GPC6: variants seen among roughly 807,000 people sequenced by gnomAD.
GPC6 encodes the protein glypican 6.
In GPC6, 14 loss-of-function variants were observed where a neutral mutation model predicts 55.2. That is an observed-to-expected ratio of 0.25 (90% CI 0.17 to 0.40). The LOEUF (loss-of-function observed/expected upper bound fraction) is 0.40, where lower values mean the gene tolerates loss of function less well. GPC6 is among the 10% of genes least tolerant of loss of function. The probability of loss-of-function intolerance (pLI) is 1.00; values close to 1 mark genes in which losing one functional copy is unlikely to be tolerated. For synonymous variants in GPC6, 278 were observed against 259.6 expected (o/e 1.07, Z -0.68); for missense variants, 641 against 708.5 (o/e 0.90, Z 1.08).
intron 3 of GPC6, among the ~76,000 whole-genome samples, chr13:93,936,900 C>T (rs1878464045): frequency 2.0e-5 from 3 of 152,178 alleles, no homozygotes; most frequent in Non-Finnish European, 4.4e-5. Flanking sequence ...CTACTTCTTG[C>T]AGCATCCTAA....
At position 94,032,368 on chromosome 13, in the gene GPC6, GAAGCCCTACTTTGTT is replaced by G. The variant is rs1883175740; in HGVS notation, c.877+4478_877+4492del. ...TTAACTTAGTCAGCGGGGAGTCAGA[GAAGCCCTACTTTGTT>G]AAGTGTAGAATAAAATAGCAAATAA... On this transcript the variant is annotated intron_variant, in intron 4 of 8. Coordinates refer to ENST00000377047, the MANE Select transcript of GPC6 (RefSeq NM_005708.5). 2.0e-5 allele frequency among the ~76,000 whole-genome samples: 3 copies of G among 152,154 alleles called. No individual in the cohort carries two copies. In the South Asian group the frequency reaches 6.2e-4, roughly 32 times the overall value.
chr13:94,367,044 A>G (rs770843080), intron 6 of GPC6, among the ~76,000 whole-genome samples: 3 of 152,220 alleles, frequency 2.0e-5, no homozygotes, highest in Non-Finnish European at 4.4e-5. Context: ...AGGGGAGATG[A>G]CTTGGCTTAG....
rs1448134921 is a variant in GPC6, at chr13:93,231,384, T to TAC, written c.160+3769_160+3770insCA. 1.0e-3 allele frequency among the ~76,000 whole-genome samples: 23 copies of TAC among 22,972 alleles called. 1 individual carries two copies. The highest frequency in any genetic ancestry group is 3.4e-3 in the African/African-American group (18 of 5,352). The allele number at this position is 22,972 out of a possible 152,430, so 15.1% of individuals were successfully genotyped here. A position where few individuals can be genotyped will look rare whatever the true frequency, so the allele number is the denominator to read the frequency against. ...ACGTATATATATATATATATACATA[T>TAC]ATATATATATATGTATATATATATA... On this transcript the variant is annotated intron_variant, in intron 1 of 8. Transcript: ENST00000377047.
intron 1 of GPC6, among the ~76,000 whole-genome samples, chr13:93,439,771 T>C (rs1877720022): frequency 6.6e-6 from 1 of 152,098 alleles, no homozygotes; most frequent in African/African-American, 2.4e-5. Context: ...AACTGACTAA[T>C]ACATGGCTGA....
At chr13:93,330,786 CTTCT>C (rs1879816497) in intron 1 of GPC6, among the ~76,000 whole-genome samples, 1 of 152,110 alleles carries the variant, frequency 6.6e-6, no homozygotes, top group African/African-American at 2.4e-5. Context: ...TCTCTGCTGG[CTTCT>C]TTCTTTCAAC....
At chr13:94,373,868 G>A (rs1305445416) in intron 6 of GPC6, among the ~76,000 whole-genome samples, 37 of 152,058 alleles carry the variant, frequency 2.4e-4, no homozygotes, top group African/African-American at 5.3e-4. Flanking sequence ...CGGATCTCTC[G>A]GCAGAAACCC....
intron 1 of GPC6, among the ~76,000 whole-genome samples, chr13:93,338,623 G>A (rs183111351): frequency 6.2e-4 from 94 of 152,204 alleles, no homozygotes; most frequent in African/African-American, 2.2e-3. Context: ...TTATTAATTA[G>A]GGCCCTTTAA....
chr13:93,537,924 A>G (rs1174949969), intron 1 of GPC6, among the ~76,000 whole-genome samples: 1 of 152,194 alleles, frequency 6.6e-6, no homozygotes, highest in South Asian at 2.1e-4. Context: ...TGAAAATATC[A>G]GGAAGACTTG....
At chr13:93,802,316 T>G (rs989343725) in intron 2 of GPC6, among the ~76,000 whole-genome samples, 1 of 152,134 alleles carries the variant, frequency 6.6e-6, no homozygotes, top group Non-Finnish European at 1.5e-5. Context: ...GATACTCAAC[T>G]GTTATTTTTG....
At chr13:93,984,029 A>AATTTATTT (rs202239190) in intron 3 of GPC6, among the ~76,000 whole-genome samples, 2 of 152,040 alleles carry the variant, frequency 1.3e-5, no homozygotes, top group East Asian at 1.9e-4. Flanking sequence ...AGGAACATTG[A>AATTTATTT]ATTTATTTAT....
At chr13:94,336,820 A>ATCAC (rs1877729774) in intron 6 of GPC6, among the ~76,000 whole-genome samples, 1 of 152,246 alleles carries the variant, frequency 6.6e-6, no homozygotes, top group African/African-American at 2.4e-5. Context: ...AAGCAGACTT[A>ATCAC]TCACTCACAC....
chr13:94,234,636 A>G (rs1015944135), intron 4 of GPC6, among the ~76,000 whole-genome samples: 1 of 151,974 alleles, frequency 6.6e-6, no homozygotes, highest in African/African-American at 2.4e-5. Flanking sequence ...GGACCCTTAA[A>G]GCTTGTTTTA....
intron 1 of GPC6, among the ~76,000 whole-genome samples, chr13:93,383,578 C>T (rs1875274684): frequency 6.6e-6 from 1 of 152,140 alleles, no homozygotes; most frequent in African/African-American, 2.4e-5. Flanking sequence ...CTTCTAGTTA[C>T]CATTACTTAT....
intron 2 of GPC6, among the ~76,000 whole-genome samples, chr13:93,722,908 A>G (rs1883500479): frequency 6.6e-6 from 1 of 151,766 alleles, no homozygotes; most frequent in African/African-American, 2.4e-5. Flanking sequence ...TAAGGACACT[A>G]GTCATATTGG....
At chr13:93,368,341 C>A (rs1237877178) in intron 1 of GPC6, among the ~76,000 whole-genome samples, 1 of 36,610 alleles carries the variant, frequency 2.7e-5, no homozygotes, top group African/African-American at 9.6e-5. Flanking sequence ...CCCTGCTTTC[C>A]TTCCTTCCTT....
chr13:93,568,294 A>G (rs1876235472), intron 2 of GPC6, among the ~76,000 whole-genome samples: 1 of 152,206 alleles, frequency 6.6e-6, no homozygotes, highest in Non-Finnish European at 1.5e-5. Context: ...TTAACTAGGG[A>G]AAGATAACGA....
intron 6 of GPC6, 159 bp downstream of exon 6, chr13:94,306,282 T>G (rs764617243): frequency 2.1e-5 from 16 of 765,662 alleles, no homozygotes. Flanking sequence ...AATGGGATCT[T>G]TCTTTTGGGT....
In GPC6 at chr13:93,424,491, CCCA is replaced by C. The variant is rs1327934010; in HGVS notation, c.161-120764_161-120762del. On this transcript the variant is annotated intron_variant, in intron 1 of 8. Transcript: ENST00000377047. ...CATCCTGATGCGGGGATCTGAATGT[CCCA>C]CCACCACACCTACTACGCAGTGCAA... Among the ~76,000 whole-genome samples the C allele has an allele frequency of 2.0e-5, 3 of 152,178 alleles. No individual in the cohort carries two copies. The East Asian group carries it at 5.8e-4, about 29-fold the overall frequency.
At chr13:93,877,624 A>G (rs1298995835) in intron 3 of GPC6, among the ~76,000 whole-genome samples, 1 of 151,996 alleles carries the variant, frequency 6.6e-6, no homozygotes, top group Non-Finnish European at 1.5e-5. Flanking sequence ...AAGGAATCCA[A>G]CCCGTTAGTC....
Sources: gnomAD v4.1 joint callset for allele counts (sites outside exome capture counted in the v4.1 genomes callset) on GRCh38, gnomAD v4.1.1 for gene constraint, MANE v1.5 for transcripts, NCBI Gene and HGNC (gene_info 2026-07-23, HGNC 2026-07-21) for gene names.